The following CADPS variants were observed in gnomAD, a reference collection of about 807,000 sequenced individuals.
The protein encoded by CADPS is calcium-dependent secretion activator 1.
Under a neutral mutation model 167.3 loss-of-function variants are expected in CADPS, and 57 were observed. The ratio of observed to expected loss-of-function variants is 0.34; its 90% CI spans 0.28 to 0.42. The LOEUF (loss-of-function observed/expected upper bound fraction) is 0.42, where lower values mean the gene tolerates loss of function less well. Among genes scored for constraint, CADPS ranks in the 20% least tolerant of loss-of-function variants. CADPS has a pLI of 1.00. For missense variants in CADPS, 1,414 were observed against 1,738.1 expected, an observed-to-expected ratio of 0.81 and a Z score of 3.32; for synonymous variants, 676 against 635.3, an observed-to-expected ratio of 1.06 and a Z score of -0.96.
intron 3 of CADPS, among the ~76,000 whole-genome samples, chr3:62,699,327 G>A (rs182688934): frequency 3.3e-5 from 5 of 152,096 alleles, no homozygotes; most frequent in African/African-American, 1.2e-4. Context: ...GTGAGCCACT[G>A]TGCCTGGTGT....
At chr3:62,672,167 C>T (rs1288869220) in intron 3 of CADPS, among the ~76,000 whole-genome samples, 2 of 147,942 alleles carry the variant, frequency 1.4e-5, no homozygotes, top group Non-Finnish European at 3.0e-5. Flanking sequence ...AACTTTGGTG[C>T]CCATAAAAAT....
intron 28 of CADPS, among the ~76,000 whole-genome samples, chr3:62,411,107 AAAACAAACAAAC>A (rs376384009): frequency 1.3e-5 from 2 of 152,118 alleles, no homozygotes; most frequent in African/African-American, 4.8e-5. Context: ...TGTCTCTGAA[AAAACAAACAAAC>A]AAACAAACAA....
Position 62,514,413 on chromosome 3 carries a change from G to A in CADPS, c.2582-1645C>T, listed in dbSNP as rs780902772. Among the ~76,000 whole-genome samples, 40 of 152,042 alleles carry A rather than the reference G, an allele frequency of 2.6e-4. No individual in the cohort carries two copies. The highest frequency in any genetic ancestry group is 4.7e-4 in the Non-Finnish European group (32 of 67,980). On this transcript the variant is annotated intron_variant, in intron 16 of 29. Transcript: ENST00000383710. The surrounding 1 kb of genome is among the most constrained non-coding windows in gnomAD (Gnocchi z 4.2). ...AGCCAATCACGGACAAGGAAGGAGA[G>A]AAGCGGAAGAGAGCAGGTAGTGTGG...
intron 17 of CADPS, among the ~76,000 whole-genome samples, chr3:62,510,148 CCTCTCCT>C (rs1344913040): frequency 1.3e-5 from 2 of 151,852 alleles, no homozygotes; most frequent in African/African-American, 2.4e-5. Flanking sequence ...CCTCTCCTTT[CCTCTCCT>C]CTCTCCTCTC....
At chr3:62,519,791 A>AT (rs1184648658) in intron 13 of CADPS, among the ~76,000 whole-genome samples, 10 of 148,460 alleles carry the variant, frequency 6.7e-5, no homozygotes, top group Middle Eastern at 3.4e-3. Context: ...AACAAAAACA[A>AT]ATTTTTTTTT....
intron 28 of CADPS, chr3:62,404,294 C>T (rs971809374): frequency 2.0e-5 from 3 of 152,560 alleles, no homozygotes; most frequent in African/African-American, 7.2e-5. Context: ...AATACACACG[C>T]ACATGCACGC....
intron 25 of CADPS, among the ~76,000 whole-genome samples, chr3:62,466,090 A>G (rs1198004960): frequency 6.6e-6 from 1 of 152,194 alleles, no homozygotes; most frequent in Non-Finnish European, 1.5e-5. Context: ...AACATTTCTC[A>G]TATAACCTAG....
At chr3:62,440,892 G>T (rs2056193802) in intron 27 of CADPS, 1 of 152,188 alleles carries the variant, frequency 6.6e-6, no homozygotes, top group Non-Finnish European at 1.5e-5. Context: ...CTATATCTTG[G>T]GAGGCCCTGG....
intron 24 of CADPS, 106 bp from the exon 25 acceptor site, chr3:62,466,519 A>G (rs772831286): frequency 6.7e-6 from 5 of 741,512 alleles, no homozygotes; most frequent in African/African-American, 1.7e-5. Flanking sequence ...TGGCCTGCGG[A>G]CCCCGTTTAT....
chr3:62,753,550 G>A lies in CADPS; in HGVS notation c.779C>T (p.Ala260Val). 6.2e-7 allele frequency: 1 copy of A among 1,614,112 alleles called. No individual in the cohort carries two copies. The highest frequency in any genetic ancestry group is 1.1e-5 in the South Asian group (1 of 91,084). ...DPRKQQARMT[A>V]SAASELILSK... ...CAGAATCAGCTCGGAGGCTGCGCTG[G>A]CTGTCATCCGGGCCTGCTGCTTCCG... The change falls in exon 3 of 30, where the codon GCC becomes GTC. Residue 260 changes from alanine to valine, a missense_variant. This residue lies in a region of CADPS where 522 missense variants were observed against 559.5 expected (regional missense o/e 0.93). Transcript: ENST00000383710. The surrounding 1 kb of genome is among the most constrained non-coding windows in gnomAD (Gnocchi z 4.6).
At chr3:62,788,078 G>C (rs2092623584) in intron 1 of CADPS, among the ~76,000 whole-genome samples, 1 of 152,160 alleles carries the variant, frequency 6.6e-6, no homozygotes, top group Admixed American at 6.6e-5. Context: ...TAAAGGTACA[G>C]CTGCTCAACT....
intron 5 of CADPS, among the ~76,000 whole-genome samples, chr3:62,650,340 G>A (rs971876722): frequency 6.6e-6 from 1 of 152,140 alleles, no homozygotes; most frequent in Non-Finnish European, 1.5e-5. Context: ...AGAAATTATA[G>A]AGAAACTTAT....
At chr3:62,665,816 C>T (rs964303781) in intron 3 of CADPS, among the ~76,000 whole-genome samples, 1 of 152,168 alleles carries the variant, frequency 6.6e-6, no homozygotes, top group Non-Finnish European at 1.5e-5. Context: ...CTCTGTGCTC[C>T]AGCTCTTCTC....
In CADPS at chr3:62,620,451, T is replaced by C. The variant is rs147584344; in HGVS notation, c.1325+25271A>G. On this transcript the variant is annotated intron_variant, in intron 6 of 29. Coordinates refer to ENST00000383710, the MANE Select transcript of CADPS (RefSeq NM_003716.4). ...CAAGCAACAATGAAAACAATAACAA[T>C]TATAATTTAACATTTACTGAACACT... Among the ~76,000 whole-genome samples the C allele has an allele frequency of 1.5e-3, 234 of 152,226 alleles. 1 individual carries two copies. The highest frequency in any genetic ancestry group is 5.3e-3 in the African/African-American group (221 of 41,542).
At chr3:62,569,252 C>T (rs558421728) in intron 9 of CADPS, among the ~76,000 whole-genome samples, 3 of 152,240 alleles carry the variant, frequency 2.0e-5, no homozygotes, top group Admixed American at 2.0e-4. Flanking sequence ...AAGCATGCAC[C>T]ACCATACCCG....
At chr3:62,451,369 C>T (rs566388741) in intron 26 of CADPS, among the ~76,000 whole-genome samples, 32 of 151,948 alleles carry the variant, frequency 2.1e-4, no homozygotes, top group South Asian at 1.2e-3. Flanking sequence ...TGATAGGGAG[C>T]GCGGCAGGGG....
intron 11 of CADPS, 71 bp from the exon 12 acceptor site, chr3:62,536,652 T>C: frequency 6.8e-7 from 1 of 1,465,152 alleles, no homozygotes; most frequent in Non-Finnish European, 9.5e-7. Context: ...ACATTTCAAA[T>C]ACACAGGAAT....
rs1290055866 is a variant in CADPS, at chr3:62,851,933, T to C, written c.441+22656A>G. On this transcript the variant is annotated intron_variant, in intron 1 of 29. Coordinates refer to ENST00000383710, the MANE Select transcript of CADPS (RefSeq NM_003716.4). ...ACACAAATCAGACGTAGATTTGGTC[T>C]TTTCACATAGTTCCATATTTCTTGG... 2.0e-5 allele frequency among the ~76,000 whole-genome samples: 3 copies of C among 151,736 alleles called. 1 individual carries two copies. The highest frequency in any genetic ancestry group is 7.3e-5 in the African/African-American group (3 of 41,160).
At chr3:62,758,970 T>C (rs1365223204) in intron 2 of CADPS, among the ~76,000 whole-genome samples, 1 of 152,200 alleles carries the variant, frequency 6.6e-6, no homozygotes, top group Non-Finnish European at 1.5e-5. Context: ...ATTCCTGTTC[T>C]GAAAAAGCAT....
Sources: gnomAD v4.1 joint callset for allele counts (sites outside exome capture counted in the v4.1 genomes callset) on GRCh38, gnomAD v4.1.1 for gene constraint, gnomAD v4.1.1 regional missense constraint, Gnocchi (gnomAD v3.1) non-coding constraint, MANE v1.5 for transcripts, NCBI Gene and HGNC (gene_info 2026-07-23, HGNC 2026-07-21) for gene names.